Variants in FBXW12 observed in about 807,000 individuals in gnomAD.
The protein encoded by FBXW12 is F-box/WD repeat-containing protein 12.
FBXW12 carries 43 observed loss-of-function variants against 55.3 expected under a neutral mutation model. The ratio of observed to expected loss-of-function variants is 0.78; its 90% CI spans 0.61 to 1.00. The LOEUF (loss-of-function observed/expected upper bound fraction) is 1.00. Among genes scored for constraint, FBXW12 ranks in the 50% least tolerant of loss-of-function variants. The probability of loss-of-function intolerance (pLI) is 0.00; values close to 1 mark genes in which losing one functional copy is unlikely to be tolerated. For missense variants in FBXW12, 524 were observed against 560.5 expected, an observed-to-expected ratio of 0.93 and a Z score of 0.66; for synonymous variants, 184 against 203.8, an observed-to-expected ratio of 0.90 and a Z score of 0.83.
intron 8 of FBXW12, among the ~76,000 whole-genome samples, chr3:48,381,368 ACT>A (rs1346514037): frequency 6.6e-6 from 1 of 151,660 alleles, no homozygotes; most frequent in Non-Finnish European, 1.5e-5. Flanking sequence ...TCCCAGTTCG[ACT>A]CTAATACCCA....
At chr3:48,387,538 T>C (rs2036864384) in intron 10 of FBXW12, among the ~76,000 whole-genome samples, 1 of 112,390 alleles carries the variant, frequency 8.9e-6, no homozygotes, top group South Asian at 3.3e-4. Flanking sequence ...TATTTTGCTA[T>C]TTTTTCTAGT....
intron 2 of FBXW12, among the ~76,000 whole-genome samples, chr3:48,373,102 T>C (rs988212494): frequency 1.3e-5 from 2 of 152,204 alleles, no homozygotes; most frequent in Admixed American, 1.3e-4. Flanking sequence ...TGTGAATTCA[T>C]GGGAATACCC....
intron 5 of FBXW12, among the ~76,000 whole-genome samples, chr3:48,376,416 T>G (rs1426202390): frequency 6.6e-6 from 1 of 152,220 alleles, no homozygotes; most frequent in African/African-American, 2.4e-5. Context: ...ATTGCCTCTT[T>G]GTCAATGATT....
chr3:48,391,893 A>G (rs1323832538), intron 10 of FBXW12, among the ~76,000 whole-genome samples: 1 of 151,810 alleles, frequency 6.6e-6, no homozygotes, highest in Non-Finnish European at 1.5e-5. Context: ...GTTTGCTACT[A>G]TTTTCTTGAG....
Position 48,372,675 on chromosome 3 carries a change from C to A in FBXW12, c.-84-9C>A. ...CACACAGATGGGCATGGGTGAAAATCTTTACAAGTGCTGCAGACTTTGGCA... is the reference window on the plus strand; with the variant it reads ...CACACAGATGGGCATGGGTGAAAATATTTACAAGTGCTGCAGACTTTGGCA... On this transcript the variant is annotated splice_polypyrimidine_tract_variant and intron_variant, in intron 1 of 10. Transcript: ENST00000296438. 1 of 1,607,530 alleles carries A rather than the reference C, an allele frequency of 6.2e-7. No individual in the cohort carries two copies. The highest frequency in any genetic ancestry group is 1.1e-5 in the South Asian group (1 of 90,460).
rs777522192 is a variant in FBXW12, at chr3:48,372,777, C to T, written c.10C>T (p.Arg4Ter). 17 of 1,614,156 alleles carry T rather than the reference C, an allele frequency of 1.1e-5. No individual in the cohort carries two copies. The highest frequency in any genetic ancestry group is 4.5e-5 in the East Asian group (2 of 44,884). The part of the protein sequence containing the change: MEI[R>*]LPDLALKRIF... ...GTTCAGGCCGCATGAAATGGAGATC[C>T]GATTGCCTGACTTAGCTTTGAAGCG... is the stretch of plus-strand genomic sequence containing the variant. The change falls in exon 2 of 11, where the codon CGA becomes TGA. Residue 4 changes from arginine to a stop codon, truncating the protein, a stop_gained. Coordinates refer to ENST00000296438, the MANE Select transcript of FBXW12 (RefSeq NM_207102.2). LOFTEE classifies it high-confidence loss of function.
chr3:48,388,714 C>CT lies in FBXW12; in HGVS notation c.1296-5842dup, dbSNP rs553575266. On this transcript the variant is annotated intron_variant, in intron 10 of 10. Coordinates refer to ENST00000296438, the MANE Select transcript of FBXW12 (RefSeq NM_207102.2). ...CTTTTTATCCATTATGCTAATCTGT[C>CT]TTTTAAGTTTAAGTATAAAAGTTTA... Among the ~76,000 whole-genome samples, 3 of 152,200 alleles carry CT rather than the reference C, an allele frequency of 2.0e-5. No homozygotes were observed. The East Asian group carries it at 5.8e-4, about 29-fold the overall frequency.
chr3:48,377,115 G>A (rs1304719666), intron 5 of FBXW12, among the ~76,000 whole-genome samples: 1 of 152,172 alleles, frequency 6.6e-6, no homozygotes, highest in African/African-American at 2.4e-5. Flanking sequence ...ATTGGGAGAT[G>A]GTGGATATAT....
intron 10 of FBXW12, among the ~76,000 whole-genome samples, chr3:48,384,285 C>T (rs749597406): frequency 3.4e-4 from 51 of 151,948 alleles, no homozygotes; most frequent in Admixed American, 3.3e-4. Flanking sequence ...CTAAATATTT[C>T]GTGGTTTTGG....
chr3:48,384,832 T>C (rs1330329252), intron 10 of FBXW12, among the ~76,000 whole-genome samples: 2 of 152,186 alleles, frequency 1.3e-5, no homozygotes, highest in Non-Finnish European at 2.9e-5. Flanking sequence ...TTGTTAGTGG[T>C]CAGGACAGAG....
Position 48,383,276 on chromosome 3 carries a change from TTTTC to T in FBXW12, c.1295+1198_1295+1201del, listed in dbSNP as rs1453255652. Among the ~76,000 whole-genome samples the T allele has an allele frequency of 2.0e-5, 3 of 152,232 alleles. No homozygotes were observed. In the East Asian group the frequency reaches 5.8e-4, roughly 29 times the overall value. The stretch of plus-strand genomic sequence containing the variant: ...ATTTCAAATACTTCCCCTGGATTTT[TTTTC>T]TTTCTTACATTTGAATGGATGTATA... On this transcript the variant is annotated intron_variant, in intron 10 of 10. Transcript: ENST00000296438.
chr3:48,394,327 C>T (rs1250942425), intron 10 of FBXW12, among the ~76,000 whole-genome samples: 1 of 152,208 alleles, frequency 6.6e-6, no homozygotes, highest in Non-Finnish European at 1.5e-5. Flanking sequence ...AAATCAGATA[C>T]TGACAATTCT....
intron 10 of FBXW12, among the ~76,000 whole-genome samples, chr3:48,386,431 C>T (rs1245092507): frequency 6.6e-6 from 1 of 152,172 alleles, no homozygotes; most frequent in East Asian, 1.9e-4. Context: ...AATATGCCAC[C>T]TCCAGCTTTA....
intron 3 of FBXW12, 77 bp downstream of exon 3, chr3:48,373,422 C>G: frequency 6.2e-7 from 1 of 1,611,818 alleles, no homozygotes; most frequent in Non-Finnish European, 8.5e-7. Flanking sequence ...GTCCCAAGGC[C>G]TGTGTGGCTG....
At position 48,378,352 on chromosome 3, in the gene FBXW12, C is replaced by T. The variant is rs369622651; in HGVS notation, c.441C>T (p.Phe147=). 13 of 1,614,062 alleles carry T rather than the reference C, an allele frequency of 8.1e-6. No individual in the cohort carries two copies. In the East Asian group the frequency reaches 1.1e-4, roughly 14 times the overall value. ...TMIWSSPVQE[F]HFSNLVTLPQ... ...TCTGGTCAAGCCCAGTCCAGGAGTT[C>T]CATTTCTCAAATCTGGTAACCCTCC... The change falls in exon 6 of 11, where the codon TTC becomes TTT. Residue 147 remains phenylalanine, a synonymous_variant. Coordinates refer to ENST00000296438, the MANE Select transcript of FBXW12 (RefSeq NM_207102.2).
intron 10 of FBXW12, among the ~76,000 whole-genome samples, chr3:48,386,421 A>G (rs1351147013): frequency 3.3e-5 from 5 of 152,208 alleles, no homozygotes. Context: ...GAAATCAGAT[A>G]ATATGCCACC....
rs528954447 is a variant in FBXW12 at position 48,373,801 on chromosome 3, A to T, written c.286+96A>T. ...TGTGTGCAGTTGTGTATTCTCATTC[A>T]GTAAAGGGAAAAGGAATTAAAATTG... On this transcript the variant is annotated intron_variant, in intron 4 of 10. Transcript: ENST00000296438. 24 of 1,180,718 alleles carry T rather than the reference A, an allele frequency of 2.0e-5. No homozygotes were observed. In the African/African-American group the frequency reaches 3.5e-4, roughly 17 times the overall value. 73.1% of individuals were successfully genotyped at this position (1,180,718 alleles called of 1,614,324 possible).
intron 10 of FBXW12, among the ~76,000 whole-genome samples, chr3:48,390,936 C>T (rs1356525903): frequency 1.3e-5 from 2 of 151,632 alleles, no homozygotes; most frequent in Non-Finnish European, 2.9e-5. Context: ...TTTCAGTTCC[C>T]GGAGCATTTT....
chr3:48,388,986 G>C (rs2036883070), intron 10 of FBXW12, among the ~76,000 whole-genome samples: 1 of 152,108 alleles, frequency 6.6e-6, no homozygotes, highest in South Asian at 2.1e-4. Flanking sequence ...TGTACCCTTT[G>C]ACCAACACCT....
Sources: allele counts gnomAD v4.1 joint callset (sites outside exome capture counted in the v4.1 genomes callset), GRCh38; gene constraint gnomAD v4.1.1; transcripts MANE v1.5; gene names NCBI Gene and HGNC (gene_info 2026-07-23, HGNC 2026-07-21).